Variants in DNAI4 observed in about 807,000 individuals in gnomAD.
The protein encoded by DNAI4 is dynein axonemal intermediate chain 4, also known as WD repeat domain 78.
In DNAI4, 85 loss-of-function variants were observed where a neutral mutation model predicts 105.8. That is an observed-to-expected ratio of 0.80 (90% confidence interval 0.67 to 0.96). The LOEUF is 0.96. DNAI4 is among the 40% of genes least tolerant of loss of function. The pLI is 0.00. For missense variants in DNAI4, 1,014 were observed against 1,005.6 expected, an observed-to-expected ratio of 1.01 and a Z score of -0.11; for synonymous variants, 352 against 331.5, an observed-to-expected ratio of 1.06 and a Z score of -0.67.
intron 2 of DNAI4, among the ~76,000 whole-genome samples, chr1:66,899,080 C>A (rs1648584147): frequency 6.6e-6 from 1 of 151,912 alleles, no homozygotes; most frequent in Admixed American, 6.6e-5. Flanking sequence ...TTGTGTATAC[C>A]CTTGTGTGTG....
At chr1:66,897,961 G>A (rs2100800727) in intron 2 of DNAI4, among the ~76,000 whole-genome samples, 1 of 152,250 alleles carries the variant, frequency 6.6e-6, no homozygotes, top group Middle Eastern at 3.4e-3. Context: ...CTATCAGCCT[G>A]CAAAGCCAGC....
At position 66,834,211 on chromosome 1, in the gene DNAI4, G is replaced by A. The variant is rs1019992249; in HGVS notation, c.1734-63C>T. 13 of 1,321,938 alleles carry A rather than the reference G, an allele frequency of 9.8e-6. No individual in the cohort carries two copies. The African/African-American group carries it at 2.0e-4, about 21-fold the overall frequency. 81.9% of individuals were successfully genotyped at this position (1,321,938 alleles called of 1,614,324 possible). On this transcript the variant is annotated intron_variant, in intron 11 of 16. Coordinates refer to ENST00000371026, the MANE Select transcript of DNAI4 (RefSeq NM_024763.5). ...ATAATAATTTCTTAAAGGCCTTGGA[G>A]TATAAGTGATAAGGTCAGCTTTCTA...
chr1:66,897,394 GAA>G (rs900460496), intron 2 of DNAI4, among the ~76,000 whole-genome samples: 1 of 152,200 alleles, frequency 6.6e-6, no homozygotes, highest in African/African-American at 2.4e-5. Context: ...GAAAGATTTG[GAA>G]AAGTCTCAGC....
At chr1:66,816,007 T>A (rs1026986621) in intron 16 of DNAI4, among the ~76,000 whole-genome samples, 1 of 152,062 alleles carries the variant, frequency 6.6e-6, no homozygotes, top group African/African-American at 2.4e-5. Context: ...AGAAATCATG[T>A]CACTTAATAC....
At chr1:66,853,491 C>A (rs572860951) in intron 7 of DNAI4, among the ~76,000 whole-genome samples, 15 of 152,292 alleles carry the variant, frequency 9.8e-5, no homozygotes, top group Admixed American at 7.2e-4. Flanking sequence ...GATGGGGGTA[C>A]AACACAGTTT....
At chr1:66,826,633 C>T (rs1645759487) in intron 15 of DNAI4, among the ~76,000 whole-genome samples, 187 bp downstream of exon 15, 1 of 152,116 alleles carries the variant, frequency 6.6e-6, no homozygotes, top group African/African-American at 2.4e-5. Flanking sequence ...CTTTTAAAAC[C>T]ACATATGGTA....
chr1:66,918,578 G>C (rs551848007), intron 1 of DNAI4, among the ~76,000 whole-genome samples: 2 of 152,248 alleles, frequency 1.3e-5, no homozygotes, highest in African/African-American at 4.8e-5. Context: ...ATGGACTTCA[G>C]AGTAATATAG....
Position 66,862,155 on chromosome 1 carries a change from G to A in DNAI4, c.1088C>T (p.Thr363Ile), listed in dbSNP as rs776147087. 2.5e-6 allele frequency: 4 copies of A among 1,571,580 alleles called. No homozygotes were observed. Among genetic ancestry groups the A allele is most frequent in the Non-Finnish European group, 3.4e-6 (4 of 1,166,290 alleles). The stretch of plus-strand genomic sequence containing the variant: ...AATAAATGAAATCTTACTTTTTTCT[G>A]TAGTGCTCCCTGGCAATCTTTGGTC... ...DQDQRLPGSTTEKNSETSSLM... is the reference protein window; with the variant it reads ...DQDQRLPGSTIEKNSETSSLM... The change falls in exon 7 of 17, where the codon ACA becomes ATA. Residue 363 changes from threonine to isoleucine, a missense_variant. Thr to Ile is a moderately conservative substitution (Grantham distance 89). Coordinates refer to ENST00000371026, the MANE Select transcript of DNAI4 (RefSeq NM_024763.5).
At chr1:66,844,136 A>G (rs904513228) in intron 8 of DNAI4, among the ~76,000 whole-genome samples, 70 of 150,770 alleles carry the variant, frequency 4.6e-4, no homozygotes, top group Non-Finnish European at 3.5e-4. Flanking sequence ...TCCATTCATA[A>G]AAAAAATTAA....
intron 1 of DNAI4, among the ~76,000 whole-genome samples, chr1:66,906,071 G>T (rs572525205): frequency 2.6e-5 from 4 of 151,724 alleles, no homozygotes; most frequent in African/African-American, 9.7e-5. Flanking sequence ...CTACAGGTGT[G>T]CACCACCATG....
At chr1:66,919,018 C>CTGT (rs1465379509) in intron 1 of DNAI4, 3 of 401,774 alleles carry the variant, frequency 7.5e-6, no homozygotes, top group Non-Finnish European at 1.5e-5. Context: ...TCTCACCTAC[C>CTGT]TGTGACCTGG....
intron 14 of DNAI4, 25 bp downstream of exon 14, chr1:66,827,787 T>A: frequency 6.7e-6 from 9 of 1,350,260 alleles, no homozygotes; most frequent in Non-Finnish European, 7.2e-6. Flanking sequence ...AAATAAATGT[T>A]CCAACCTACT....
chr1:66,923,262 T>TA, intron 1 of DNAI4, among the ~76,000 whole-genome samples: 1 of 152,354 alleles, frequency 6.6e-6, no homozygotes, highest in African/African-American at 2.4e-5. Context: ...CCTAGATGTA[T>TA]AGCCTACTAT....
intron 13 of DNAI4, among the ~76,000 whole-genome samples, chr1:66,832,054 C>A (rs929188826): frequency 5.9e-5 from 9 of 152,082 alleles, no homozygotes; most frequent in African/African-American, 1.9e-4. Flanking sequence ...CCTTCCCCAC[C>A]CTCACCTCAA....
At chr1:66,848,181 G>C (rs1481107007) in intron 7 of DNAI4, 2 of 456,016 alleles carry the variant, frequency 4.4e-6, no homozygotes, top group Admixed American at 2.4e-5. Context: ...GGTTTTAAAG[G>C]AGAATTTGTT....
rs148469776 is a variant in DNAI4 at position 66,909,163 on chromosome 1, C to A, written c.171-3788G>T. On this transcript the variant is annotated intron_variant, in intron 1 of 16. Transcript: ENST00000371026. Reference sequence around the variant, plus strand: ...GTAAACAAGCTGTTATTTCTCCCATCTTAAACAAACAAGAAACTTCTCTTT... The same window carrying A: ...GTAAACAAGCTGTTATTTCTCCCATATTAAACAAACAAGAAACTTCTCTTT... Among the ~76,000 whole-genome samples, 20 of 152,228 alleles carry A rather than the reference C, an allele frequency of 1.3e-4. No homozygotes were observed. In the East Asian group the frequency reaches 3.9e-3, roughly 29 times the overall value.
chr1:66,823,015 G>C (rs888414486), intron 15 of DNAI4, among the ~76,000 whole-genome samples: 1 of 151,856 alleles, frequency 6.6e-6, no homozygotes, highest in African/African-American at 2.4e-5. Flanking sequence ...CCACTAACTC[G>C]TCATCTAGCA....
intron 4 of DNAI4, among the ~76,000 whole-genome samples, chr1:66,881,900 C>T (rs1465554697): frequency 6.6e-6 from 1 of 152,140 alleles, no homozygotes; most frequent in Non-Finnish European, 1.5e-5. Context: ...AGGTGATTGA[C>T]TTATGGGAGC....
At chr1:66,887,995 T>C (rs1415527508) in intron 4 of DNAI4, among the ~76,000 whole-genome samples, 2 of 152,160 alleles carry the variant, frequency 1.3e-5, no homozygotes, top group Non-Finnish European at 2.9e-5. Context: ...TTCTTGCAGT[T>C]ATTTAAAATA....
Sources: allele counts gnomAD v4.1 joint callset (sites outside exome capture counted in the v4.1 genomes callset), GRCh38; gene constraint gnomAD v4.1.1; transcripts MANE v1.5; gene names NCBI Gene and HGNC (gene_info 2026-07-23, HGNC 2026-07-21).